The following NAV3 variants were observed in gnomAD, a reference collection of about 807,000 sequenced individuals.
NAV3 encodes neuron navigator 3.
NAV3 carries 87 observed loss-of-function variants against 244.7 expected under a neutral mutation model. That is an observed-to-expected ratio of 0.36 (90% CI 0.30 to 0.42). NAV3 has a LOEUF of 0.42. Ranked by LOEUF, NAV3 falls within the 20% of genes least tolerant of loss-of-function variation. The pLI is 1.00. For missense variants in NAV3, 2,663 were observed against 2,893.3 expected (o/e 0.92, Z 1.83); for synonymous variants, 1,126 against 1,042.2 (o/e 1.08, Z -1.55).
chr12:78,170,587 T>C (rs1957959831), intron 24 of NAV3, among the ~76,000 whole-genome samples: 1 of 151,768 alleles, frequency 6.6e-6, no homozygotes, highest in Non-Finnish European at 1.5e-5. Context: ...TGACATAATC[T>C]CTCTTCACCA....
intron 2 of NAV3, among the ~76,000 whole-genome samples, chr12:77,658,829 G>T (rs1279854410): frequency 6.6e-6 from 1 of 151,926 alleles, no homozygotes; most frequent in East Asian, 1.9e-4. Flanking sequence ...TCTGATCTTT[G>T]ACAAACCTGA....
intron 38 of NAV3, among the ~76,000 whole-genome samples, chr12:78,204,626 T>C (rs1960090971): frequency 6.6e-6 from 1 of 152,258 alleles, no homozygotes; most frequent in African/African-American, 2.4e-5. Context: ...TCTCTTGGTT[T>C]GTCAAATTAC....
rs1960783475 is a variant in NAV3, at chr12:78,210,400, G to A, written c.7041G>A (p.Met2347Ile). The A allele has an allele frequency of 1.2e-6, 2 of 1,613,288 alleles. No individual in the cohort carries two copies. The highest frequency in any genetic ancestry group is 1.7e-5 in the Admixed American group (1 of 59,964). The change falls in exon 40 of 40, where the codon ATG (methionine) becomes ATA (isoleucine). Residue 2347 changes from methionine (M) to isoleucine (I), a missense_variant and splice_region_variant. Met to Ile is a conservative substitution (Grantham distance 10). Around this residue, in one of 6 missense-constraint regions of NAV3, gnomAD observed 543 missense variants for 672.4 expected, o/e 0.81. Coordinates refer to ENST00000397909, the MANE Select transcript of NAV3 (RefSeq NM_001024383.2). The stretch of plus-strand genomic sequence containing the variant: ...CGATGTCTTTTTTCTTTCTTCAGAT[G>A]AATATGCTAATGAAACTCCAAGAAG... ...PQTDTEGDPL[M>I]NMLMKLQEAA...
At chr12:78,013,530 G>A (rs955931570) in intron 8 of NAV3, among the ~76,000 whole-genome samples, 6 of 152,038 alleles carry the variant, frequency 3.9e-5, no homozygotes, top group Non-Finnish European at 8.8e-5. Flanking sequence ...TAGGCTGGTC[G>A]GCAAGTAGGT....
At chr12:78,035,163 A>G (rs977540965) in intron 9 of NAV3, among the ~76,000 whole-genome samples, 1 of 152,198 alleles carries the variant, frequency 6.6e-6, no homozygotes, top group South Asian at 2.1e-4. Context: ...GCTAATATAT[A>G]TAGTTATGAG....
At chr12:77,928,908 T>C (rs1324706850) in intron 1 of NAV3, among the ~76,000 whole-genome samples, 2 of 152,210 alleles carry the variant, frequency 1.3e-5, no homozygotes, top group African/African-American at 2.4e-5. Context: ...GTGCACTTGA[T>C]ATCTGCATAA....
chr12:78,195,758 C>T (rs1048347234), intron 34 of NAV3, among the ~76,000 whole-genome samples: 10 of 152,014 alleles, frequency 6.6e-5, no homozygotes, highest in African/African-American at 2.4e-4. Context: ...ATTCTTGACA[C>T]CCAGCAGCTA....
intron 9 of NAV3, among the ~76,000 whole-genome samples, chr12:78,040,670 A>G (rs958205641): frequency 6.6e-6 from 1 of 152,156 alleles, no homozygotes; most frequent in African/African-American, 2.4e-5. Context: ...GGAACATGTA[A>G]TGATGCGTTC....
chr12:77,648,713 T>G (rs1872702175), intron 2 of NAV3, among the ~76,000 whole-genome samples: 1 of 152,136 alleles, frequency 6.6e-6, no homozygotes. Flanking sequence ...TTTTGCCTCA[T>G]GTGAAAGAGT....
intron 1 of NAV3, among the ~76,000 whole-genome samples, chr12:77,911,636 A>G (rs1234776239): frequency 3.3e-5 from 5 of 152,134 alleles, no homozygotes; most frequent in Non-Finnish European, 7.4e-5. Flanking sequence ...CTACAGATGG[A>G]TGGAGTGAAA....
At chr12:77,729,379 GA>G (rs35766611) in intron 2 of NAV3, among the ~76,000 whole-genome samples, 2,072 of 152,108 alleles carry the variant, frequency 0.014, 25 homozygotes, top group Middle Eastern at 0.024. Context: ...CTTGAAGAGT[GA>G]AGGGAAATCT....
At chr12:78,201,908 T>C (rs775617501) in intron 38 of NAV3, among the ~76,000 whole-genome samples, 5 of 151,946 alleles carry the variant, frequency 3.3e-5, no homozygotes, top group Non-Finnish European at 7.4e-5. Flanking sequence ...CAGGCTCTCT[T>C]TATCTATTGA....
chr12:78,158,094 A>T (rs1156907963), intron 22 of NAV3, among the ~76,000 whole-genome samples: 1 of 152,132 alleles, frequency 6.6e-6, no homozygotes, highest in Non-Finnish European at 1.5e-5. Flanking sequence ...TCCATTTGAT[A>T]GTAGGTGCCT....
intron 2 of NAV3, among the ~76,000 whole-genome samples, chr12:77,713,320 G>A (rs1592608862): frequency 1.3e-5 from 2 of 152,290 alleles, no homozygotes; most frequent in South Asian, 4.1e-4. Flanking sequence ...AAAGTATGGT[G>A]TAAGCAGAAA....
chr12:78,011,907 A>G (rs1055420179), intron 8 of NAV3, among the ~76,000 whole-genome samples: 6 of 152,242 alleles, frequency 3.9e-5, no homozygotes, highest in African/African-American at 1.4e-4. Context: ...GAAAGAGAGG[A>G]CATGGGAAAC....
intron 9 of NAV3, among the ~76,000 whole-genome samples, chr12:78,027,057 A>G (rs887975903): frequency 6.6e-6 from 1 of 152,172 alleles, no homozygotes; most frequent in African/African-American, 2.4e-5. Flanking sequence ...AATATGAGGA[A>G]GAAAATGTTT....
At chr12:77,780,106 G>T (rs1036322302) in intron 2 of NAV3, among the ~76,000 whole-genome samples, 1 of 151,918 alleles carries the variant, frequency 6.6e-6, no homozygotes, top group Non-Finnish European at 1.5e-5. Flanking sequence ...AGCCATATAG[G>T]GTTTGTCAGA....
chr12:78,162,068 C>T lies in NAV3; in HGVS notation c.4869+2782C>T, dbSNP rs116497771. 7.4e-3 allele frequency among the ~76,000 whole-genome samples: 1,124 copies of T among 152,128 alleles called. 17 individuals carry two copies. Among genetic ancestry groups the T allele is most frequent in the African/African-American group, 0.026 (1,075 of 41,538 alleles). ...AACTCTTTGGCACTAAATTCAAGGA[C>T]GAATTTATTGCCAAGGTTTTTAAAT... On this transcript the variant is annotated intron_variant, in intron 23 of 39. Transcript: ENST00000397909.
chr12:78,004,308 G>A (rs991204641), intron 7 of NAV3, among the ~76,000 whole-genome samples: 3 of 152,252 alleles, frequency 2.0e-5, no homozygotes, highest in Admixed American at 6.5e-5. Flanking sequence ...TTTGGTTATG[G>A]TGGAGTTGGC....
Sources: gnomAD v4.1 joint callset for allele counts (sites outside exome capture counted in the v4.1 genomes callset) on GRCh38, gnomAD v4.1.1 for gene constraint, gnomAD v4.1.1 regional missense constraint, MANE v1.5 for transcripts, NCBI Gene and HGNC (gene_info 2026-07-23, HGNC 2026-07-21) for gene names.